Variants in ZNF674 observed in about 807,000 individuals in gnomAD.
ZNF674 encodes zinc finger family member 674.
Under a neutral mutation model 7.0 loss-of-function variants are expected in ZNF674, and 2 were observed. The observed-to-expected ratio is 0.29, with a 90% confidence interval of 0.12 to 0.90. The LOEUF (loss-of-function observed/expected upper bound fraction) is 0.90, where lower values mean the gene tolerates loss of function less well. Among genes scored for constraint, ZNF674 ranks in the 40% least tolerant of loss-of-function variants. The pLI is 0.57. For synonymous variants in ZNF674, 103 were observed against 145.2 expected, an observed-to-expected ratio of 0.71 and a Z score of 2.09; for missense variants, 297 against 415.5, an observed-to-expected ratio of 0.71 and a Z score of 2.48.
At chrX:46,513,590 T>G (rs764951955) in intron 5 of ZNF674, among the ~76,000 whole-genome samples, 9 of 112,208 alleles carry the variant, frequency 8.0e-5, no homozygotes, top group African/African-American at 2.9e-4. Context: ...TCTGCCCACC[T>G]GGCTGCAATC....
intron 3 of ZNF674, among the ~76,000 whole-genome samples, chrX:46,533,855 C>T (rs6609424): frequency 0.37 from 20,121 of 54,368 alleles, 4,472 homozygotes; most frequent in African/African-American, 0.65. Context: ...TATATATATA[C>T]ACACACACAC....
At chrX:46,506,375 GTGCAGCT>G (rs1298730061) in intron 5 of ZNF674, among the ~76,000 whole-genome samples, 1 of 107,833 alleles carries the variant, frequency 9.3e-6, no homozygotes, top group Non-Finnish European at 1.9e-5. Context: ...TGGATGTGCA[GTGCAGCT>G]GTCTGGCCCT....
At chrX:46,520,226 A>G (rs1941881856) in intron 5 of ZNF674, among the ~76,000 whole-genome samples, 1 of 110,288 alleles carries the variant, frequency 9.1e-6, no homozygotes, top group African/African-American at 3.3e-5. Context: ...ACATGGTGAA[A>G]CCCCATCTCT....
rs1293091143 is a variant in ZNF674 at position 46,500,240 on chromosome X, A to G, written c.1334T>C (p.Phe445Ser). Reference protein sequence around the residue: ...PYECRRCGKAFGEKSTLIVHQ... With the variant: ...PYECRRCGKASGEKSTLIVHQ... ...TACAATAAGGGTTGACTTCTCCCCA[A>G]AGGCTTTCCCACATCTTCTGCATTC... The change falls in exon 6 of 6, where the codon TTT (phenylalanine) becomes TCT (serine). Residue 445 changes from phenylalanine (F) to serine (S), a missense_variant. Coordinates refer to ENST00000683375, the MANE Select transcript of ZNF674 (RefSeq NM_001190417.2). The G allele has an allele frequency of 4.1e-6, 5 of 1,210,664 alleles. No homozygotes were observed. The African/African-American group carries it at 5.2e-5, about 13-fold the overall frequency.
chrX:46,506,180 A>C (rs986955291), intron 5 of ZNF674, among the ~76,000 whole-genome samples: 1 of 111,588 alleles, frequency 9.0e-6, no homozygotes, highest in East Asian at 2.8e-4. Flanking sequence ...AATATTCCCT[A>C]TGTTGATATG....
chrX:46,528,388 C>T lies in ZNF674; in HGVS notation c.200G>A (p.Trp67Ter). ...TACCGGGGTCCCTCCATCTGCCATCCAGGACTCGTCACCTGGTCCCAACCT... is the reference window on the plus strand; with the variant it reads ...TACCGGGGTCCCTCCATCTGCCATCTAGGACTCGTCACCTGGTCCCAACCT... Reference protein sequence around the residue: ...IFRLGPGDESWMADGGTPVRT... With the variant: ...IFRLGPGDES Residue 67 changes from tryptophan to a stop codon, truncating the protein, a stop_gained, in exon 5 of 6, where the codon TGG becomes TAG. Coordinates refer to ENST00000683375, the MANE Select transcript of ZNF674 (RefSeq NM_001190417.2). LOFTEE classifies it low-confidence loss of function (END_TRUNC). 2 of 1,211,766 alleles carry T rather than the reference C, an allele frequency of 1.7e-6. No homozygotes were observed. Among genetic ancestry groups the T allele is most frequent in the Non-Finnish European group, 1.1e-6 (1 of 895,556 alleles).
intron 3 of ZNF674, among the ~76,000 whole-genome samples, chrX:46,531,997 T>C (rs1213250791): frequency 9.0e-6 from 1 of 111,014 alleles, no homozygotes; most frequent in Non-Finnish European, 1.9e-5. Context: ...AAACTCCGTC[T>C]TTACTAAAAA....
At chrX:46,518,677 C>T (rs1286099401) in intron 5 of ZNF674, among the ~76,000 whole-genome samples, 1 of 101,175 alleles carries the variant, frequency 9.9e-6, no homozygotes, top group African/African-American at 3.6e-5. Context: ...AGATGGAGAC[C>T]ATCCTGGCTA....
chrX:46,522,800 T>G (rs190876692), intron 5 of ZNF674: 1 of 112,720 alleles, frequency 8.9e-6, no homozygotes, highest in Non-Finnish European at 1.9e-5. Flanking sequence ...ATAAAAGAAA[T>G]AAGTCACAAA....
chrX:46,511,745 C>T (rs149290370), intron 5 of ZNF674, among the ~76,000 whole-genome samples: 3,350 of 112,258 alleles, frequency 0.03, 111 homozygotes, highest in African/African-American at 0.1. Context: ...TACAACAGGC[C>T]GGGCGCAATG....
chrX:46,508,558 A>G (rs1023631279), intron 5 of ZNF674, among the ~76,000 whole-genome samples: 18 of 111,061 alleles, frequency 1.6e-4, no homozygotes, highest in African/African-American at 5.9e-4. Context: ...CTTGGGCAGT[A>G]TGGCCATTTT....
intron 5 of ZNF674, among the ~76,000 whole-genome samples, chrX:46,514,316 T>C (rs971155098): frequency 3.6e-5 from 4 of 110,714 alleles, no homozygotes; most frequent in Non-Finnish European, 7.6e-5. Context: ...AGAAAAACTA[T>C]AAATGACAGG....
rs1247048600 is a variant in ZNF674, at chrX:46,501,289, T to C, written c.285A>G (p.Gln95=). The C allele has an allele frequency of 2.5e-6, 3 of 1,209,563 alleles. No individual in the cohort carries two copies. The Admixed American group carries it at 6.6e-5, about 27-fold the overall frequency. ...ATGCAGCTTGCCACAGAAATTTGTC[T>C]TGGCTTTCCTTGTAGTGATCTATCT... is the stretch of plus-strand genomic sequence containing the variant. ...DEQIDHYKES[Q]DKFLWQAAFI... Residue 95 remains glutamine, a synonymous_variant, in exon 6 of 6, where the codon CAA becomes CAG. Transcript: ENST00000683375.
chrX:46,508,962 AG>A (rs1473156617), intron 5 of ZNF674, among the ~76,000 whole-genome samples: 1 of 111,201 alleles, frequency 9.0e-6, no homozygotes, highest in Non-Finnish European at 1.9e-5. Context: ...GGAACAGAAC[AG>A]AGCCCTCAGA....
chrX:46,508,421 T>C (rs1941581771), intron 5 of ZNF674, among the ~76,000 whole-genome samples: 1 of 112,393 alleles, frequency 8.9e-6, no homozygotes, highest in South Asian at 3.6e-4. Context: ...TAAACATTAA[T>C]GCAAAATTCA....
chrX:46,534,137 G>C (rs1021423152), intron 3 of ZNF674, among the ~76,000 whole-genome samples: 5 of 108,700 alleles, frequency 4.6e-5, no homozygotes, highest in African/African-American at 1.7e-4. Flanking sequence ...GCTCTCATGA[G>C]ACTCACTTAT....
chrX:46,521,165 A>G, intron 5 of ZNF674, among the ~76,000 whole-genome samples: 1 of 102,812 alleles, frequency 9.7e-6, no homozygotes, highest in Non-Finnish European at 2.0e-5. Flanking sequence ...AGATCACACC[A>G]CTGCACTCCA....
At chrX:46,514,135 C>A (rs1249260108) in intron 5 of ZNF674, among the ~76,000 whole-genome samples, 1 of 111,274 alleles carries the variant, frequency 9.0e-6, no homozygotes, top group South Asian at 3.8e-4. Context: ...AAAATAATTT[C>A]TTTAGAGATA....
At chrX:46,524,487 C>T (rs1377707385) in intron 5 of ZNF674, among the ~76,000 whole-genome samples, 2 of 106,828 alleles carry the variant, frequency 1.9e-5, no homozygotes, top group African/African-American at 3.4e-5. Context: ...CAGGGGAGTT[C>T]GAGACCAGCC....
Sources: allele counts gnomAD v4.1 joint callset (sites outside exome capture counted in the v4.1 genomes callset), GRCh38; gene constraint gnomAD v4.1.1; transcripts MANE v1.5; gene names NCBI Gene and HGNC (gene_info 2026-07-23, HGNC 2026-07-21).